FGF13: variants seen among roughly 807,000 people sequenced by gnomAD.
FGF13 encodes fibroblast growth factor homologous factor 2.
Under a neutral mutation model 19.5 loss-of-function variants are expected in FGF13, and 2 were observed. The observed-to-expected ratio is 0.10, with a 90% CI of 0.04 to 0.32. FGF13 has a LOEUF of 0.32. Ranked by LOEUF, FGF13 falls within the 10% of genes least tolerant of loss-of-function variation. FGF13 has a pLI of 1.00. For synonymous variants in FGF13, 72 were observed against 76.9 expected (o/e 0.94, Z 0.33); for missense variants, 113 against 192.7 (o/e 0.59, Z 2.45).
chrX:139,064,464 G>A (rs1381260695), intron 1 of FGF13, among the ~76,000 whole-genome samples: 2 of 99,432 alleles, frequency 2.0e-5, no homozygotes, highest in African/African-American at 3.9e-5. Flanking sequence ...CACCGCGCCC[G>A]GCTAATTTTT....
intron 1 of FGF13, among the ~76,000 whole-genome samples, chrX:139,059,187 T>G (rs1329361206): frequency 9.0e-6 from 1 of 110,688 alleles, no homozygotes; most frequent in Admixed American, 9.6e-5. Flanking sequence ...CACTAAGAAC[T>G]TTTTCTTTCA....
At chrX:138,851,469 T>G (rs2091221193) in intron 3 of FGF13, among the ~76,000 whole-genome samples, 1 of 111,849 alleles carries the variant, frequency 8.9e-6, no homozygotes. Context: ...GTGGCTTTGA[T>G]TTGCATTTCT....
chrX:139,023,082 T>C (rs192076813), intron 1 of FGF13, among the ~76,000 whole-genome samples: 16 of 111,156 alleles, frequency 1.4e-4, no homozygotes, highest in Admixed American at 1.3e-3. Flanking sequence ...ATTTACATTA[T>C]CTATAATAAC....
intron 1 of FGF13, among the ~76,000 whole-genome samples, chrX:139,088,540 G>GGA (rs1556358660): frequency 1.5e-5 from 1 of 65,607 alleles, no homozygotes; most frequent in Admixed American, 1.7e-4. Flanking sequence ...TTACTTGCAA[G>GGA]AAAAAAAAAA....
intron 1 of FGF13, among the ~76,000 whole-genome samples, chrX:139,122,162 G>C (rs1471226701): frequency 1.8e-5 from 2 of 111,623 alleles, no homozygotes; most frequent in East Asian, 5.6e-4. Context: ...ACCAGGAGGG[G>C]TGGTCCCTTC....
In FGF13 at chrX:138,649,529, G is replaced by A. The variant is rs1240945881; in HGVS notation, c.403-13874C>T. ...GCCCAAGTTATGTCTCTGGGGGTAG[G>A]GTTGCATGCACTCCACATCTGATTC... On this transcript the variant is annotated intron_variant, in intron 3 of 4. Coordinates refer to ENST00000315930, the MANE Select transcript of FGF13 (RefSeq NM_004114.5). Among the ~76,000 whole-genome samples the A allele has an allele frequency of 3.6e-5, 4 of 111,617 alleles. No homozygotes were observed. In the South Asian group the frequency reaches 1.5e-3, roughly 42 times the overall value.
At chrX:139,171,807 A>G (rs775489776) in intron 1 of FGF13, among the ~76,000 whole-genome samples, 2 of 112,003 alleles carry the variant, frequency 1.8e-5, no homozygotes, top group African/African-American at 3.2e-5. Flanking sequence ...AAATGAATGA[A>G]TAAGTTAGAA....
chrX:138,856,118 C>T (rs2124137831), downstream of FGF13, among the ~76,000 whole-genome samples: 1 of 111,438 alleles, frequency 9.0e-6, no homozygotes, highest in Admixed American at 9.6e-5. Flanking sequence ...ATCTTCTCCA[C>T]TAAACAACCA....
intron 3 of FGF13, among the ~76,000 whole-genome samples, chrX:138,641,076 T>C (rs2089246537): frequency 8.9e-6 from 1 of 112,483 alleles, no homozygotes; most frequent in Admixed American, 9.4e-5. Flanking sequence ...ACAAAGCCTG[T>C]GATGGCAGTG....
At chrX:139,016,294 A>C (rs2092152431) in intron 1 of FGF13, among the ~76,000 whole-genome samples, 1 of 111,729 alleles carries the variant, frequency 9.0e-6, no homozygotes, top group African/African-American at 3.3e-5. Flanking sequence ...GCAATATGTG[A>C]AAAGAGGGGG....
intron 1 of FGF13, among the ~76,000 whole-genome samples, chrX:138,734,280 G>C (rs1408711702): frequency 9.0e-6 from 1 of 111,722 alleles, no homozygotes; most frequent in East Asian, 2.8e-4. Flanking sequence ...TTTGTCATCT[G>C]TCTTATTATC....
At chrX:138,812,294 T>C (rs1402760963) in intron 3 of FGF13, among the ~76,000 whole-genome samples, 1 of 112,125 alleles carries the variant, frequency 8.9e-6, no homozygotes, top group Admixed American at 9.5e-5. Flanking sequence ...TCTTTACCCA[T>C]TCATCAGGTG....
chrX:139,041,100 T>C (rs919275659), intron 1 of FGF13, among the ~76,000 whole-genome samples: 1 of 109,251 alleles, frequency 9.2e-6, no homozygotes, highest in African/African-American at 3.4e-5. Context: ...ACCTAATGGA[T>C]GCTGGGCTTA....
At chrX:138,759,557 G>A (rs757512602) in intron 3 of FGF13, among the ~76,000 whole-genome samples, 4 of 111,955 alleles carry the variant, frequency 3.6e-5, no homozygotes, top group Non-Finnish European at 7.5e-5. Flanking sequence ...TGGTTTCCAG[G>A]GGAGATGCAG....
rs140990753 is a variant in FGF13, at chrX:138,932,038, G to C, written c.-112-67388C>G. ...CCATTTTAAAGGTCACTCCTCCATG[G>C]AGTTTGCAGCAGTTTGCAGCAGTTC... On this transcript the variant is annotated intron_variant, in intron 1 of 2. Transcript: ENST00000421460. 1.9e-4 allele frequency among the ~76,000 whole-genome samples: 21 copies of C among 109,974 alleles called. No homozygotes were observed. The East Asian group carries it at 6.0e-3, about 32-fold the overall frequency.
chrX:138,658,610 G>A (rs2089459359), intron 3 of FGF13, among the ~76,000 whole-genome samples: 1 of 111,497 alleles, frequency 9.0e-6, no homozygotes, highest in Non-Finnish European at 1.9e-5. Context: ...TTCGAGTGTC[G>A]GGAGTAGCTT....
intron 1 of FGF13, among the ~76,000 whole-genome samples, chrX:138,981,318 T>TACAC (rs57954256): frequency 0.026 from 2,482 of 96,950 alleles, 39 homozygotes; most frequent in African/African-American, 0.036. Context: ...ATTGTGTGCT[T>TACAC]ACACACACAC....
intron 3 of FGF13, among the ~76,000 whole-genome samples, chrX:138,778,928 T>C (rs1161605595): frequency 8.9e-6 from 1 of 112,104 alleles, no homozygotes; most frequent in African/African-American, 3.2e-5. Context: ...TCTGACAGCT[T>C]TGAAGAGAGT....
At chrX:139,152,314 TA>T (rs59165472) in intron 1 of FGF13, among the ~76,000 whole-genome samples, 9,650 of 74,991 alleles carry the variant, frequency 0.13, 1,008 homozygotes, top group African/African-American at 0.33. Context: ...GTGATTAAGT[TA>T]AAAAAAAAAA....
Sources: gnomAD v4.1 joint callset for allele counts (sites outside exome capture counted in the v4.1 genomes callset) on GRCh38, gnomAD v4.1.1 for gene constraint, MANE v1.5 for transcripts, NCBI Gene and HGNC (gene_info 2026-07-23, HGNC 2026-07-21) for gene names.